The following GRM5 variants were observed in gnomAD, a reference collection of about 807,000 sequenced individuals.
The protein encoded by GRM5 is metabotropic glutamate receptor 5.
A neutral mutation model predicts 83.1 loss-of-function variants in GRM5; 19 were observed. The ratio of observed to expected loss-of-function variants is 0.23; its 90% CI spans 0.16 to 0.34. The LOEUF is 0.34. GRM5 is among the 10% of genes least tolerant of loss of function. The pLI, the probability that GRM5 is intolerant of heterozygous loss-of-function variation, is 1.00. For synonymous variants in GRM5, 675 were observed against 633.6 expected, an observed-to-expected ratio of 1.07 and a Z score of -0.98; for missense variants, 1,160 against 1,588.3, an observed-to-expected ratio of 0.73 and a Z score of 4.58.
intron 2 of GRM5, among the ~76,000 whole-genome samples, chr11:89,027,378 G>T (rs1941151721): frequency 6.6e-6 from 1 of 152,152 alleles, no homozygotes; most frequent in Non-Finnish European, 1.5e-5. Flanking sequence ...ATAGACGTGA[G>T]CCACTGCACC....
At chr11:88,897,915 T>A (rs753461862) in intron 2 of GRM5, among the ~76,000 whole-genome samples, 3 of 152,022 alleles carry the variant, frequency 2.0e-5, no homozygotes, top group Non-Finnish European at 4.4e-5. Flanking sequence ...TGTGCATCAC[T>A]ACTTACTAGC....
intron 3 of GRM5, among the ~76,000 whole-genome samples, chr11:88,810,676 TGTCA>T (rs1318529722): frequency 6.6e-6 from 1 of 152,156 alleles, no homozygotes; most frequent in Non-Finnish European, 1.5e-5. Flanking sequence ...GCTGTATTTG[TGTCA>T]GTCATTGATA....
intron 2 of GRM5, among the ~76,000 whole-genome samples, chr11:88,902,473 C>A (rs1219122970): frequency 2.6e-5 from 4 of 151,974 alleles, no homozygotes; most frequent in South Asian, 2.1e-4. Context: ...ATTAGGTACT[C>A]AAATGTTAAA....
At chr11:88,916,181 A>C (rs189349872) in intron 2 of GRM5, among the ~76,000 whole-genome samples, 1 of 152,290 alleles carries the variant, frequency 6.6e-6, no homozygotes, top group Admixed American at 6.5e-5. Context: ...TACATAAGAA[A>C]GCATCTTCAT....
At chr11:88,990,015 G>C (rs1435718423) in intron 2 of GRM5, among the ~76,000 whole-genome samples, 1 of 151,640 alleles carries the variant, frequency 6.6e-6, no homozygotes. Context: ...TAAAATCAGA[G>C]CAGAACTGAA....
chr11:88,574,021 T>C (rs1478495031), intron 7 of GRM5, among the ~76,000 whole-genome samples: 1 of 152,194 alleles, frequency 6.6e-6, no homozygotes, highest in Non-Finnish European at 1.5e-5. Flanking sequence ...TTGAGGAAAC[T>C]CATTTCTCTC....
In GRM5 at chr11:88,508,551, T is replaced by A. The variant is rs1351841857; in HGVS notation, c.*41A>T. The A allele has an allele frequency of 6.5e-7, 1 of 1,543,486 alleles. No individual in the cohort carries two copies. The highest frequency in any genetic ancestry group is 8.9e-7 in the Non-Finnish European group (1 of 1,122,744). ...TTGTGTGTGTGTGAACACGGGGGGC[T>A]CCGCTCCGCACGCGCAGGCCGGCGT... On this transcript the variant is annotated 3_prime_UTR_variant, in exon 10 of 10. Coordinates refer to ENST00000305447, the MANE Select transcript of GRM5 (RefSeq NM_001143831.3). The surrounding 1 kb of genome is among the most constrained non-coding windows in gnomAD (Gnocchi z 4.2).
intron 3 of GRM5, among the ~76,000 whole-genome samples, chr11:88,718,200 A>G (rs977587213): frequency 2.0e-5 from 3 of 151,912 alleles, no homozygotes; most frequent in East Asian, 3.9e-4. Context: ...TCACAAGTCA[A>G]TGCCTATATA....
At chr11:89,054,194 C>T (rs549224276) in intron 1 of GRM5, among the ~76,000 whole-genome samples, 6 of 152,148 alleles carry the variant, frequency 3.9e-5, no homozygotes, top group Non-Finnish European at 5.9e-5. Context: ...ATTGGAGATA[C>T]GGTAAGTACA....
At chr11:88,975,579 A>G (rs1939307573) in intron 2 of GRM5, among the ~76,000 whole-genome samples, 1 of 152,186 alleles carries the variant, frequency 6.6e-6, no homozygotes, top group Non-Finnish European at 1.5e-5. Context: ...AGTGTGGCCC[A>G]TGGGCCAGAA....
intron 3 of GRM5, among the ~76,000 whole-genome samples, chr11:88,820,159 T>TCCC (rs777441050): frequency 4.6e-4 from 70 of 151,392 alleles, no homozygotes; most frequent in Non-Finnish European, 8.5e-4. Context: ...GGCAGGCAGA[T>TCCC]CATGAGGACA....
rs554450161 is a variant in GRM5 at position 88,659,144 on chromosome 11, G to A, written c.912-5741C>T. ...ATCTTAATGTAGAACCTCCAAACTT[G>A]TGGGGCATAGAAGGTAAAGGAGCAT... is the stretch of plus-strand genomic sequence containing the variant. On this transcript the variant is annotated intron_variant, in intron 3 of 9. Coordinates refer to ENST00000305447, the MANE Select transcript of GRM5 (RefSeq NM_001143831.3). Among the ~76,000 whole-genome samples the A allele has an allele frequency of 1.8e-4, 28 of 152,284 alleles. No homozygotes were observed. The East Asian group carries it at 3.3e-3, about 18-fold the overall frequency.
In GRM5 at chr11:88,819,572, T is replaced by C. The variant is rs181021113; in HGVS notation, c.911+30334A>G. On this transcript the variant is annotated intron_variant, in intron 3 of 9. Transcript: ENST00000305447. ...AAAGAATTCATGTTGTTAATGGCAA[T>C]AGCATGATTTGTCATTAATTCTTGT... 2.2e-3 allele frequency among the ~76,000 whole-genome samples: 333 copies of C among 152,320 alleles called. 1 individual carries two copies. The highest frequency in any genetic ancestry group is 7.8e-3 in the African/African-American group (324 of 41,572).
At chr11:89,062,412 A>C (rs1942014225) in intron 1 of GRM5, among the ~76,000 whole-genome samples, 1 of 152,328 alleles carries the variant, frequency 6.6e-6, no homozygotes, top group South Asian at 2.1e-4. Flanking sequence ...GGCTGCTTCA[A>C]ATGGCCAGTG....
chr11:88,570,575 T>TATATATA (rs1196911373), intron 7 of GRM5, among the ~76,000 whole-genome samples: 9 of 51,024 alleles, frequency 1.8e-4, no homozygotes, highest in African/African-American at 1.4e-3. Flanking sequence ...ATATATATTT[T>TATATATA]TTTTTTTTTT....
chr11:88,525,311 G>A lies in GRM5; in HGVS notation c.2724C>T (p.Ser908=). ...CAGGCCACTCATAGTTTGCTTACCT[G>A]CTCATTGTTGCTCTCCCACCATTCC... The part of the protein sequence containing the change: ...SMGNGGRATM[S]SSNGKSVTWA... The change falls in exon 9 of 10, where the codon AGC becomes AGT. Residue 908 remains serine, a splice_region_variant and synonymous_variant. Coordinates refer to ENST00000305447, the MANE Select transcript of GRM5 (RefSeq NM_001143831.3). 6.3e-7 allele frequency: 1 copy of A among 1,581,276 alleles called. No individual in the cohort carries two copies. The highest frequency in any genetic ancestry group is 8.7e-7 in the Non-Finnish European group (1 of 1,150,492).
At chr11:88,848,038 G>T (rs537670119) in intron 3 of GRM5, among the ~76,000 whole-genome samples, 1 of 152,130 alleles carries the variant, frequency 6.6e-6, no homozygotes, top group Non-Finnish European at 1.5e-5. Flanking sequence ...GATAGGAATC[G>T]TGGAATTCTT....
At chr11:88,670,118 C>T (rs1940153065) in intron 3 of GRM5, among the ~76,000 whole-genome samples, 1 of 151,934 alleles carries the variant, frequency 6.6e-6, no homozygotes, top group East Asian at 1.9e-4. Flanking sequence ...GACTTAATTT[C>T]TAACAAAGGC....
intron 2 of GRM5, among the ~76,000 whole-genome samples, chr11:89,008,778 GA>G (rs1940601025): frequency 6.6e-6 from 1 of 151,948 alleles, no homozygotes; most frequent in Non-Finnish European, 1.5e-5. Context: ...CTACAAATAC[GA>G]TTACCATCCA....
Sources: allele counts gnomAD v4.1 joint callset (sites outside exome capture counted in the v4.1 genomes callset), GRCh38; gene constraint gnomAD v4.1.1; non-coding constraint Gnocchi (gnomAD v3.1); transcripts MANE v1.5; gene names NCBI Gene and HGNC (gene_info 2026-07-23, HGNC 2026-07-21).